Variants in ERLIN2 observed in about 807,000 individuals in gnomAD.
The protein encoded by ERLIN2 is erlin-2.
ERLIN2 carries 22 observed loss-of-function variants against 41.5 expected under a neutral mutation model. That is an observed-to-expected ratio of 0.53 (90% CI 0.38 to 0.76). The LOEUF (loss-of-function observed/expected upper bound fraction) is 0.76, where lower values mean the gene tolerates loss of function less well. Ranked by LOEUF, ERLIN2 falls within the 30% of genes least tolerant of loss-of-function variation. The pLI is 0.00. For synonymous variants in ERLIN2, 149 were observed against 150.9 expected, an observed-to-expected ratio of 0.99 and a Z score of 0.09; for missense variants, 247 against 414.3, an observed-to-expected ratio of 0.60 and a Z score of 3.51.
At position 37,754,928 on chromosome 8, in the gene ERLIN2, G is replaced by C. The variant is rs1157505215; in HGVS notation, c.*813G>C. ...CAACTCAAGTGTCTTAACAGCTGCTGGAGTGGGATCCTTGTTATCTCTTAG... is the reference window on the plus strand; with the variant it reads ...CAACTCAAGTGTCTTAACAGCTGCTCGAGTGGGATCCTTGTTATCTCTTAG... On this transcript the variant is annotated 3_prime_UTR_variant, in exon 12 of 12. Transcript: ENST00000519638. 1 of 152,330 alleles carries C rather than the reference G, an allele frequency of 6.6e-6. No individual in the cohort carries two copies. The highest frequency in any genetic ancestry group is 1.5e-5 in the Non-Finnish European group (1 of 68,190). The allele number at this position is 152,330 out of a possible 1,614,324, so 9.4% of individuals were successfully genotyped here.
At chr8:37,751,835 A>C in intron 10 of ERLIN2, 120 bp downstream of exon 10, 1 of 779,316 alleles carries the variant, frequency 1.3e-6, no homozygotes, top group Non-Finnish European at 2.2e-6. Flanking sequence ...TCTCTGTGCA[A>C]CAGCAGCTTT....
At chr8:37,750,122 C>G in intron 8 of ERLIN2, 6 of 621,284 alleles carry the variant, frequency 9.7e-6, no homozygotes, top group South Asian at 9.6e-5. Context: ...TGACTCATGC[C>G]CAAGGTGGAG....
rs774487188 is a variant in ERLIN2, at chr8:37,741,846, G to T, written c.236+28G>T. ...AAGGTACCCAGAATAAAGCTTTTAA[G>T]CCCAAATAAGTCAGAGAAAAGGCTG... is the stretch of plus-strand genomic sequence containing the variant. On this transcript the variant is annotated intron_variant, in intron 4 of 11. Coordinates refer to ENST00000519638, the MANE Select transcript of ERLIN2 (RefSeq NM_007175.8). The surrounding 1 kb of genome is among the most constrained non-coding windows in gnomAD (Gnocchi z 4.8). 1 of 1,579,818 alleles carries T rather than the reference G, an allele frequency of 6.3e-7. No individual in the cohort carries two copies. The highest frequency in any genetic ancestry group is 1.7e-5 in the Admixed American group (1 of 59,956).
At chr8:37,745,175 C>T in intron 6 of ERLIN2, 1 of 467,976 alleles carries the variant, frequency 2.1e-6, no homozygotes, top group Non-Finnish European at 3.8e-6. Flanking sequence ...GCATTCTTCT[C>T]ACCATGCAAC....
chr8:37,748,447 C>G (rs1301884683), intron 6 of ERLIN2, among the ~76,000 whole-genome samples: 1 of 152,188 alleles, frequency 6.6e-6, no homozygotes, highest in Non-Finnish European at 1.5e-5. Context: ...AGAGCACATC[C>G]TATATGTGGA....
intron 6 of ERLIN2, among the ~76,000 whole-genome samples, chr8:37,749,190 T>G (rs1563316074): frequency 6.6e-6 from 1 of 152,252 alleles, no homozygotes; most frequent in Non-Finnish European, 1.5e-5. Context: ...CCTTCTCTTT[T>G]GCTGCTATTG....
rs75598291 is a variant in ERLIN2, at chr8:37,754,690, C to T, written c.*575C>T. 0.042 allele frequency: 7,214 copies of T among 171,410 alleles called. 578 individuals are homozygous for T. Among genetic ancestry groups the T allele is most frequent in the African/African-American group, 0.16 (6,841 of 41,804 alleles). 10.6% of individuals were successfully genotyped at this position (171,410 alleles called of 1,614,324 possible). On this transcript the variant is annotated 3_prime_UTR_variant, in exon 12 of 12. Coordinates refer to ENST00000519638, the MANE Select transcript of ERLIN2 (RefSeq NM_007175.8). ...TTTCTTGAGCCCTCATAAGGAAGTA[C>T]TGGTGCTAGGTTTTGCAAGATTTTG...
In ERLIN2 at chr8:37,745,395, T is replaced by G. The variant is rs1803006842; in HGVS notation, c.424+699T>G. 1.2e-5 allele frequency: 8 copies of G among 657,786 alleles called. No individual in the cohort carries two copies. The Admixed American group carries it at 1.7e-4, about 14-fold the overall frequency. 40.7% of individuals were successfully genotyped at this position (657,786 alleles called of 1,614,324 possible). A position where few individuals can be genotyped will look rare whatever the true frequency, so the allele number is the denominator to read the frequency against. On this transcript the variant is annotated intron_variant, in intron 6 of 11. Transcript: ENST00000519638. Reference sequence around the variant, plus strand: ...TAGATATGTTTTGTCCTTTTTACCTTTTTCAAAGTAAAGGCAACCTGACTT... The same window carrying G: ...TAGATATGTTTTGTCCTTTTTACCTGTTTCAAAGTAAAGGCAACCTGACTT...
rs189373232 is a variant in ERLIN2, at chr8:37,749,099, A to G, written c.425-460A>G. Among the ~76,000 whole-genome samples the G allele has an allele frequency of 9.5e-4, 144 of 152,312 alleles. 1 individual carries two copies. Among genetic ancestry groups the G allele is most frequent in the Non-Finnish European group, 1.8e-3 (121 of 68,034 alleles). On this transcript the variant is annotated intron_variant, in intron 6 of 11. Coordinates refer to ENST00000519638, the MANE Select transcript of ERLIN2 (RefSeq NM_007175.8). ...TTTTCTTTTAGAAACTTCTAAAATT[A>G]CTAGATTTAATGTGCTCAGCTCTTT... is the stretch of plus-strand genomic sequence containing the variant.
intron 2 of ERLIN2, among the ~76,000 whole-genome samples, chr8:37,739,733 A>G (rs1278611862): frequency 6.6e-6 from 1 of 151,826 alleles, no homozygotes; most frequent in Non-Finnish European, 1.5e-5. Context: ...TCAGCCTCCC[A>G]AAGATCACAG....
chr8:37,752,849 C>G (rs1415482165), intron 10 of ERLIN2, among the ~76,000 whole-genome samples: 1 of 152,252 alleles, frequency 6.6e-6, no homozygotes, highest in East Asian at 1.9e-4. Context: ...GTAATTCTCT[C>G]TCAGAATCGC....
intron 6 of ERLIN2, chr8:37,745,797 G>A: frequency 4.3e-6 from 6 of 1,396,724 alleles, no homozygotes; most frequent in Non-Finnish European, 3.7e-6. Flanking sequence ...ATCTGTTTTG[G>A]ATTCACTGTG....
intron 3 of ERLIN2, chr8:37,740,652 C>G (rs1802820145): frequency 6.0e-6 from 1 of 167,116 alleles, no homozygotes; most frequent in African/African-American, 2.4e-5. Context: ...GGGGATTATT[C>G]CTTCAAGATA....
chr8:37,744,297 G>A, intron 4 of ERLIN2, 58 bp from the exon 5 acceptor site: 1 of 1,392,624 alleles, frequency 7.2e-7, no homozygotes, highest in South Asian at 1.2e-5. Flanking sequence ...TCACCCTGGG[G>A]GACTGCACCA....
intron 6 of ERLIN2, 76 bp downstream of exon 6, chr8:37,744,772 C>T (rs1451434240): frequency 6.6e-7 from 1 of 1,521,040 alleles, no homozygotes; most frequent in Non-Finnish European, 9.1e-7. Flanking sequence ...TGCCTAAAGC[C>T]TGGCTGCCTG....
At chr8:37,751,154 C>T (rs560648158) in intron 9 of ERLIN2, among the ~76,000 whole-genome samples, 1 of 152,318 alleles carries the variant, frequency 6.6e-6, no homozygotes, top group Admixed American at 6.5e-5. Context: ...TATCCTTAAC[C>T]TCATTTTATC....
Position 37,745,717 on chromosome 8 carries a change from C to G in ERLIN2, c.424+1021C>G, listed in dbSNP as rs1197348317. ...CACCATTTAAGATTTAGGAAATCAT[C>G]CAAATTACTTTTAATGTTTCTGCAG... On this transcript the variant is annotated intron_variant, in intron 6 of 11. Coordinates refer to ENST00000519638, the MANE Select transcript of ERLIN2 (RefSeq NM_007175.8). 3.8e-6 allele frequency: 6 copies of G among 1,564,840 alleles called. No homozygotes were observed. In the East Asian group the frequency reaches 1.2e-4, roughly 30 times the overall value.
rs976708637 is a variant in ERLIN2 at position 37,756,278 on chromosome 8, T to C, written c.*2163T>C. On this transcript the variant is annotated 3_prime_UTR_variant, in exon 12 of 12. Coordinates refer to ENST00000519638, the MANE Select transcript of ERLIN2 (RefSeq NM_007175.8). ...CTCCCATTTCCGTGCTATTAATCAC[T>C]TGTTAGAGCAACATGACATGCCCAG... 2.0e-5 allele frequency: 3 copies of C among 152,254 alleles called. No homozygotes were observed. The highest frequency in any genetic ancestry group is 7.2e-5 in the African/African-American group (3 of 41,452). 9.4% of individuals were successfully genotyped at this position (152,254 alleles called of 1,614,324 possible).
In ERLIN2 at chr8:37,757,565, T is replaced by C. The variant is rs1294041946; in HGVS notation, c.*3450T>C. 1.3e-5 allele frequency: 2 copies of C among 152,232 alleles called. No homozygotes were observed. Among genetic ancestry groups the C allele is most frequent in the Admixed American group, 6.5e-5 (1 of 15,288 alleles). The allele number at this position is 152,232 out of a possible 1,614,324, so 9.4% of individuals were successfully genotyped here. A position where few individuals can be genotyped will look rare whatever the true frequency, so the allele number is the denominator to read the frequency against. On this transcript the variant is annotated 3_prime_UTR_variant, in exon 12 of 12. Transcript: ENST00000519638. ...TCTATAAATGATACTGCTGGATTGATTGCCGTGGGTTGATAGCTGGAGGAA... is the reference window on the plus strand; with the variant it reads ...TCTATAAATGATACTGCTGGATTGACTGCCGTGGGTTGATAGCTGGAGGAA...
Sources: gnomAD v4.1 joint callset for allele counts (sites outside exome capture counted in the v4.1 genomes callset) on GRCh38, gnomAD v4.1.1 for gene constraint, Gnocchi (gnomAD v3.1) non-coding constraint, MANE v1.5 for transcripts, NCBI Gene and HGNC (gene_info 2026-07-23, HGNC 2026-07-21) for gene names.